Variants in DSCAM observed in about 807,000 individuals in gnomAD.
DSCAM encodes the protein cell adhesion molecule DSCAM.
A neutral mutation model predicts 217.7 loss-of-function variants in DSCAM; 47 were observed. The observed-to-expected ratio is 0.22, with a 90% CI of 0.17 to 0.28. The LOEUF (loss-of-function observed/expected upper bound fraction) is 0.28. Among genes scored for constraint, DSCAM ranks in the 10% least tolerant of loss-of-function variants. DSCAM has a pLI of 1.00. For missense variants in DSCAM, 2,080 were observed against 2,618.3 expected (o/e 0.79, Z 4.49); for synonymous variants, 1,056 against 1,015.3 (o/e 1.04, Z -0.76).
rs112913314 is a variant in DSCAM at position 40,047,897 on chromosome 21, T to TAAAG, written c.5186-3626_5186-3623dup. 1.6e-3 allele frequency among the ~76,000 whole-genome samples: 243 copies of TAAAG among 152,320 alleles called. 1 individual carries two copies. Among genetic ancestry groups the TAAAG allele is most frequent in the African/African-American group, 5.5e-3 (227 of 41,568 alleles). ...ATTTTTTCTTTCAAAGTCTCAGCAA[T>TAAAG]AAAGATTCAAGTCCATGTTGTAAGC... On this transcript the variant is annotated intron_variant, in intron 30 of 32. Transcript: ENST00000400454.
At chr21:40,582,497 T>G (rs2076913367) in intron 3 of DSCAM, among the ~76,000 whole-genome samples, 1 of 152,182 alleles carries the variant, frequency 6.6e-6, no homozygotes, top group African/African-American at 2.4e-5. Flanking sequence ...GTATTATAAA[T>G]ATATACACAT....
intron 1 of DSCAM, among the ~76,000 whole-genome samples, chr21:40,784,351 T>C (rs924741149): frequency 1.3e-5 from 2 of 152,182 alleles, no homozygotes; most frequent in African/African-American, 4.8e-5. Flanking sequence ...TCTGCTGCCG[T>C]GTAAGGCGTG....
chr21:40,017,032 T>C (rs2088170354), intron 32 of DSCAM, among the ~76,000 whole-genome samples: 1 of 151,802 alleles, frequency 6.6e-6, no homozygotes, highest in South Asian at 2.1e-4. Flanking sequence ...AGGAGAATCT[T>C]TTGAACCTGC....
chr21:40,207,503 T>C (rs79000377), intron 11 of DSCAM, among the ~76,000 whole-genome samples: 2,601 of 152,302 alleles, frequency 0.017, 84 homozygotes, highest in African/African-American at 0.059. Flanking sequence ...TCCTAGGAAA[T>C]TAATTAGATA....
chr21:40,031,105 C>T (rs1568899787), intron 32 of DSCAM, among the ~76,000 whole-genome samples: 1 of 151,908 alleles, frequency 6.6e-6, no homozygotes, highest in East Asian at 1.9e-4. Flanking sequence ...GACTTCTGAG[C>T]CCCTTAAAAG....
At chr21:40,083,836 G>A (rs2089495088) in intron 24 of DSCAM, 72 bp downstream of exon 24, 1 of 1,246,646 alleles carries the variant, frequency 8.0e-7, no homozygotes. Context: ...GTCATTTGCT[G>A]AAGATGTGTC....
intron 16 of DSCAM, among the ~76,000 whole-genome samples, chr21:40,159,217 T>G (rs951444430): frequency 2.0e-5 from 3 of 152,216 alleles, no homozygotes; most frequent in African/African-American, 7.2e-5. Context: ...CATTTGATGA[T>G]GTCTATGTAA....
intron 3 of DSCAM, among the ~76,000 whole-genome samples, chr21:40,491,208 A>G (rs894977313): frequency 2.6e-4 from 39 of 152,110 alleles, no homozygotes; most frequent in African/African-American, 8.9e-4. Context: ...TGAAAAATCT[A>G]TTTTTCTCTT....
chr21:40,353,851 T>C, intron 4 of DSCAM, 108 bp from the exon 5 acceptor site: 1 of 966,666 alleles, frequency 1.0e-6, no homozygotes, highest in Middle Eastern at 3.1e-4. Context: ...ATACCAACTA[T>C]TGATACAGAT....
chr21:40,508,784 T>TATATATATATATATA (rs1430772822), intron 3 of DSCAM, among the ~76,000 whole-genome samples: 1 of 9,090 alleles, frequency 1.1e-4, no homozygotes, highest in Non-Finnish European at 2.3e-4. Flanking sequence ...TATATATATA[T>TATATATATATATATA]TTTTTTTTTT....
intron 11 of DSCAM, among the ~76,000 whole-genome samples, chr21:40,258,227 T>A (rs1033143555): frequency 6.6e-6 from 1 of 152,178 alleles, no homozygotes; most frequent in Non-Finnish European, 1.5e-5. Flanking sequence ...TTCCTGGAGA[T>A]CTTCTTCTAT....
intron 20 of DSCAM, among the ~76,000 whole-genome samples, chr21:40,120,813 G>T (rs2090024835): frequency 6.6e-6 from 1 of 152,264 alleles, no homozygotes; most frequent in Middle Eastern, 3.4e-3. Context: ...AAATTCTAAT[G>T]TCTTTTTCTA....
rs1226522765 is a variant in DSCAM, at chr21:40,708,506, T to G, written c.309A>C (p.Thr103=). 6.6e-7 allele frequency: 1 copy of G among 1,521,578 alleles called. No homozygotes were observed. Among genetic ancestry groups the G allele is most frequent in the African/African-American group, 1.4e-5 (1 of 72,740 alleles). The allele number at this position is 1,521,578 out of a possible 1,614,324, so 94.3% of individuals were successfully genotyped here. The part of the protein sequence containing the change: ...TLIHDNTYYC[T]AENPSGKIRS... ...TAATTTTCCCTGAAGGATTTTCAGC[T>G]GTGCAATAATAAGTATTATCATGGA... Residue 103 remains threonine (T), a synonymous_variant, in exon 2 of 33, where the codon ACA becomes ACC. Transcript: ENST00000400454.
chr21:40,669,790 G>T (rs1454744332), intron 3 of DSCAM, among the ~76,000 whole-genome samples: 2 of 151,950 alleles, frequency 1.3e-5, no homozygotes, highest in Non-Finnish European at 2.9e-5. Flanking sequence ...TGTTGGCAGG[G>T]CTCATCTCGA....
chr21:40,555,462 A>G (rs2076663552), intron 3 of DSCAM, among the ~76,000 whole-genome samples: 1 of 152,242 alleles, frequency 6.6e-6, no homozygotes, highest in African/African-American at 2.4e-5. Flanking sequence ...CTAAATATCA[A>G]GATCGAGTAA....
At chr21:40,670,550 A>AAAAAAACT (rs2090261572) in intron 3 of DSCAM, among the ~76,000 whole-genome samples, 1 of 151,422 alleles carries the variant, frequency 6.6e-6, no homozygotes. Context: ...AAAAAAAAAA[A>AAAAAAACT]GTGACTACTT....
chr21:40,570,638 A>T (rs1410451150), intron 3 of DSCAM, among the ~76,000 whole-genome samples: 1 of 152,222 alleles, frequency 6.6e-6, no homozygotes, highest in Admixed American at 6.5e-5. Flanking sequence ...CTAGAGGAAA[A>T]TACTGACACG....
chr21:40,078,926 C>T lies in DSCAM; in HGVS notation c.4472G>A (p.Arg1491His), dbSNP rs748790063. 62 of 1,614,090 alleles carry T rather than the reference C, an allele frequency of 3.8e-5. No individual in the cohort carries two copies. The highest frequency in any genetic ancestry group is 7.7e-5 in the South Asian group (7 of 91,076). Residue 1491 changes from arginine (R) to histidine (H), a missense_variant, in exon 26 of 33, where the codon CGC (arginine) becomes CAC (histidine). This residue lies in a region of DSCAM where 1,144 missense variants were observed against 1,421.1 expected (regional missense o/e 0.81). Transcript: ENST00000400454. ...CCAGCCAATGAGGTTCAGCCTCACG[C>T]GTGTGGTGTTGATGCTGGCAAACAG... is the stretch of plus-strand genomic sequence containing the variant. The part of the protein sequence containing the change: ...QELFASINTT[R>H]VRLNLIGWND...
At chr21:40,654,874 A>G (rs2090056263) in intron 3 of DSCAM, among the ~76,000 whole-genome samples, 1 of 152,166 alleles carries the variant, frequency 6.6e-6, no homozygotes, top group Non-Finnish European at 1.5e-5. Context: ...CACCTTCCAG[A>G]AATTAGGACA....
Sources: gnomAD v4.1 joint callset for allele counts (sites outside exome capture counted in the v4.1 genomes callset) on GRCh38, gnomAD v4.1.1 for gene constraint, gnomAD v4.1.1 regional missense constraint, MANE v1.5 for transcripts, NCBI Gene and HGNC (gene_info 2026-07-23, HGNC 2026-07-21) for gene names.